TENM1: variants seen among roughly 807,000 people sequenced by gnomAD.
TENM1 encodes the protein teneurin transmembrane protein 1.
In TENM1, 35 loss-of-function variants were observed where a neutral mutation model predicts 174.8. The observed-to-expected ratio is 0.20, with a 90% CI of 0.15 to 0.27. The LOEUF (loss-of-function observed/expected upper bound fraction) is 0.27, where lower values mean the gene tolerates loss of function less well. TENM1 is among the 10% of genes least tolerant of loss of function. The probability of loss-of-function intolerance (pLI) is 1.00; values close to 1 mark genes in which losing one functional copy is unlikely to be tolerated. For missense variants in TENM1, 1,633 were observed against 2,130.1 expected (o/e 0.77, Z 4.59); for synonymous variants, 781 against 798.7 (o/e 0.98, Z 0.37).
chrX:124,514,844 T>C (rs1306234596), intron 18 of TENM1, among the ~76,000 whole-genome samples: 1 of 110,771 alleles, frequency 9.0e-6, no homozygotes, highest in African/African-American at 3.3e-5. Flanking sequence ...CCCCAACTCA[T>C]TCTATGAGGC....
chrX:124,748,643 T>C (rs2053992284), intron 3 of TENM1, among the ~76,000 whole-genome samples: 1 of 111,919 alleles, frequency 8.9e-6, no homozygotes, highest in African/African-American at 3.2e-5. Flanking sequence ...CTGCTACTAA[T>C]TTACTTACTT....
In TENM1 at chrX:124,686,948, G is replaced by C. The variant is rs752611138; in HGVS notation, c.1016-15113C>G. ...AAGCAGGCAAGAGAAAGAAATAAAGGATATTTAAATAGGAAGAGAGGAAGT... is the reference window on the plus strand; with the variant it reads ...AAGCAGGCAAGAGAAAGAAATAAAGCATATTTAAATAGGAAGAGAGGAAGT... On this transcript the variant is annotated intron_variant, in intron 5 of 31. Transcript: ENST00000422452. Among the ~76,000 whole-genome samples, 5 of 111,378 alleles carry C rather than the reference G, an allele frequency of 4.5e-5. No homozygotes were observed. In the South Asian group the frequency reaches 1.5e-3, roughly 34 times the overall value.
At chrX:124,925,057 A>T (rs2147694283) in intron 1 of TENM1, among the ~76,000 whole-genome samples, 1 of 110,097 alleles carries the variant, frequency 9.1e-6, no homozygotes, top group Admixed American at 9.7e-5. Flanking sequence ...AGTCTAGCAG[A>T]GATCCCATTG....
At chrX:124,471,469 A>ATATATAATATATAATATATAGTAT (rs2061328727) in intron 22 of TENM1, among the ~76,000 whole-genome samples, 3 of 21,698 alleles carry the variant, frequency 1.4e-4, no homozygotes, top group Admixed American at 8.9e-4. Context: ...ACTATATATA[A>ATATATAATATATAATATATAGTAT]TATATAATAT....
intron 11 of TENM1, among the ~76,000 whole-genome samples, chrX:124,569,162 C>T (rs2843529): frequency 0.24 from 26,681 of 110,267 alleles, 2,449 homozygotes; most frequent in South Asian, 0.4. Flanking sequence ...CATGCCACTG[C>T]ACTCTAGCCT....
At chrX:125,110,476 C>A in the TENM1 span, among the ~76,000 whole-genome samples, 1 of 110,818 alleles carries the variant, frequency 9.0e-6, no homozygotes, top group Non-Finnish European at 1.9e-5. Context: ...GGCTATTCCA[C>A]TGGAGAGTCT....
At chrX:124,525,729 G>A (rs149772165) in intron 16 of TENM1, among the ~76,000 whole-genome samples, 329 of 111,748 alleles carry the variant, frequency 2.9e-3, no homozygotes, top group African/African-American at 0.01. Context: ...TCCCAGCTCT[G>A]CCCTGTTAGC....
At chrX:124,578,176 C>T (rs553249708) in intron 11 of TENM1, among the ~76,000 whole-genome samples, 2 of 111,538 alleles carry the variant, frequency 1.8e-5, no homozygotes, top group African/African-American at 6.5e-5. Context: ...AATCTTCCTG[C>T]CTTGGCTTCC....
intron 23 of TENM1, among the ~76,000 whole-genome samples, chrX:124,427,236 A>G (rs777284188): frequency 8.9e-6 from 1 of 112,554 alleles, no homozygotes; most frequent in Non-Finnish European, 1.9e-5. Flanking sequence ...GGCAGAAGCC[A>G]GAGAAGAAGC....
At chrX:124,481,701 A>ATATATATC in intron 22 of TENM1, 31 bp downstream of exon 25, 1 of 340,661 alleles carries the variant, frequency 2.9e-6, no homozygotes, top group Non-Finnish European at 4.8e-6. Flanking sequence ...AAGGGTATAT[A>ATATATATC]TATATATATA....
chrX:125,003,830 T>C, the TENM1 span, among the ~76,000 whole-genome samples: 5 of 111,471 alleles, frequency 4.5e-5, no homozygotes, highest in African/African-American at 1.6e-4. Context: ...ATCTGCACAA[T>C]GAAAACTTCT....
chrX:124,754,508 G>A (rs1297254216), intron 3 of TENM1, among the ~76,000 whole-genome samples: 1 of 110,924 alleles, frequency 9.0e-6, no homozygotes, highest in Non-Finnish European at 1.9e-5. Context: ...TCTGATTTTA[G>A]TTATTTCTTG....
At chrX:124,749,964 T>C (rs1317255135) in intron 3 of TENM1, among the ~76,000 whole-genome samples, 1 of 112,002 alleles carries the variant, frequency 8.9e-6, no homozygotes, top group South Asian at 3.7e-4. Context: ...ATTCAGTTAA[T>C]GTTAGTTACT....
the TENM1 span, among the ~76,000 whole-genome samples, chrX:125,161,940 A>G: frequency 5.4e-4 from 61 of 112,036 alleles, no homozygotes; most frequent in African/African-American, 1.9e-3. Flanking sequence ...TATGGTAATT[A>G]CGTGTTCTTT....
intron 18 of TENM1, among the ~76,000 whole-genome samples, chrX:124,508,033 C>T (rs1285926316): frequency 8.9e-6 from 1 of 112,061 alleles, no homozygotes; most frequent in Admixed American, 9.4e-5. Flanking sequence ...AAATATTTTC[C>T]ATTCTTTTAA....
rs111906307 is a variant in TENM1 at position 124,492,796 on chromosome X, A to T, written c.3695+4220T>A. Among the ~76,000 whole-genome samples the T allele has an allele frequency of 3.6e-3, 399 of 110,308 alleles. 2 individuals are homozygous for T. Among genetic ancestry groups the T allele is most frequent in the African/African-American group, 0.012 (373 of 30,394 alleles). Reference sequence around the variant, plus strand: ...CTATCAAAGGGCTTCATCTACAGGGACTGGTTGCTGGTGGGGCAGTGGGAG... The same window carrying T: ...CTATCAAAGGGCTTCATCTACAGGGTCTGGTTGCTGGTGGGGCAGTGGGAG... On this transcript the variant is annotated intron_variant, in intron 20 of 31. Transcript: ENST00000422452.
intron 1 of TENM1, among the ~76,000 whole-genome samples, chrX:124,937,062 A>T (rs2058256528): frequency 9.1e-6 from 1 of 110,473 alleles, no homozygotes; most frequent in Non-Finnish European, 1.9e-5. Context: ...AGAAAAAAAA[A>T]AAAAAAGTAG....
At chrX:125,032,006 G>C in the TENM1 span, among the ~76,000 whole-genome samples, 1 of 111,572 alleles carries the variant, frequency 9.0e-6, no homozygotes, top group Non-Finnish European at 1.9e-5. Flanking sequence ...ACCTAAAAGA[G>C]ATGAAGAAAC....
chrX:124,795,047 C>T (rs1196676784), intron 3 of TENM1, among the ~76,000 whole-genome samples: 1 of 111,705 alleles, frequency 9.0e-6, no homozygotes, highest in Admixed American at 9.5e-5. Flanking sequence ...AATCACCTCC[C>T]TTATTCTCTG....
Sources: gnomAD v4.1 joint callset for allele counts (sites outside exome capture counted in the v4.1 genomes callset) on GRCh38, gnomAD v4.1.1 for gene constraint, MANE v1.5 for transcripts, NCBI Gene and HGNC (gene_info 2026-07-23, HGNC 2026-07-21) for gene names.